The following NAV2 variants were observed in gnomAD, a reference collection of about 807,000 sequenced individuals.
NAV2 encodes neuron navigator 2, also known as helicase, APC down-regulated 1.
In NAV2, 54 loss-of-function variants were observed where a neutral mutation model predicts 223.2. That is an observed-to-expected ratio of 0.24 (90% CI 0.19 to 0.30). The LOEUF is 0.30. Among genes scored for constraint, NAV2 ranks in the 10% least tolerant of loss-of-function variants. NAV2 has a pLI of 1.00. For synonymous variants in NAV2, 1,279 were observed against 1,239.3 expected (o/e 1.03, Z -0.67); for missense variants, 2,806 against 3,147.5 (o/e 0.89, Z 2.60).
At chr11:19,643,560 A>T (rs1273770482) in intron 1 of NAV2, among the ~76,000 whole-genome samples, 4 of 152,058 alleles carry the variant, frequency 2.6e-5, no homozygotes, top group African/African-American at 9.7e-5. Flanking sequence ...AATCCAGTCT[A>T]TCATTGTTGG....
intron 1 of NAV2, among the ~76,000 whole-genome samples, chr11:19,406,184 A>G (rs954449925): frequency 6.6e-6 from 1 of 152,116 alleles, no homozygotes; most frequent in African/African-American, 2.4e-5. Flanking sequence ...AACTTGTGCC[A>G]CCTGGTAGCC....
intron 1 of NAV2, among the ~76,000 whole-genome samples, chr11:19,373,759 T>C (rs1266100592): frequency 2.0e-5 from 3 of 152,228 alleles, no homozygotes; most frequent in East Asian, 3.8e-4. Context: ...ATCTTCATGA[T>C]TGTCGCTATA....
chr11:19,367,662 G>A (rs1482994474), intron 1 of NAV2, among the ~76,000 whole-genome samples: 2 of 152,162 alleles, frequency 1.3e-5, no homozygotes, highest in Non-Finnish European at 2.9e-5. Flanking sequence ...GGCCCAGAGT[G>A]CAGCTATTCC....
At chr11:19,768,151 ACGCACGT>A in intron 1 of NAV2, among the ~76,000 whole-genome samples, 1 of 152,236 alleles carries the variant, frequency 6.6e-6, no homozygotes, top group Non-Finnish European at 1.5e-5. Flanking sequence ...GGCGTCCTGC[ACGCACGT>A]TGAGTGGCTC....
chr11:19,984,341 G>A, intron 11 of NAV2, 94 bp downstream of exon 11: 2 of 1,576,782 alleles, frequency 1.3e-6, no homozygotes, highest in Non-Finnish European at 1.7e-6. Flanking sequence ...AGTGAATGGA[G>A]ACTTGAACCC....
intron 1 of NAV2, among the ~76,000 whole-genome samples, chr11:19,791,492 AAAG>A (rs1248730937): frequency 6.6e-6 from 1 of 152,186 alleles, no homozygotes; most frequent in Non-Finnish European, 1.5e-5. Context: ...AGAGCTGTTC[AAAG>A]GAGCATCTTA....
At chr11:19,431,121 C>T (rs1851022152) in intron 1 of NAV2, among the ~76,000 whole-genome samples, 1 of 152,206 alleles carries the variant, frequency 6.6e-6, no homozygotes, top group Non-Finnish European at 1.5e-5. Context: ...GGAAGCTGCC[C>T]ACAGCTAGTT....
intron 1 of NAV2, among the ~76,000 whole-genome samples, chr11:19,436,980 T>G (rs560364205): frequency 1.3e-5 from 2 of 152,190 alleles, no homozygotes; most frequent in Non-Finnish European, 2.9e-5. Flanking sequence ...ACATTTTTGG[T>G]GGAGTCTAAA....
intron 1 of NAV2, among the ~76,000 whole-genome samples, chr11:19,625,491 A>G (rs1352403559): frequency 1.3e-5 from 2 of 152,144 alleles, no homozygotes; most frequent in Non-Finnish European, 2.9e-5. Context: ...CTTAGCTATC[A>G]TGGACTGTGC....
intron 6 of NAV2, chr11:19,931,910 A>T (rs1301184219): frequency 6.6e-6 from 1 of 152,318 alleles, no homozygotes; most frequent in Non-Finnish European, 1.5e-5. Context: ...CACGGGGCCC[A>T]GTGGAGACGT....
chr11:19,889,325 T>C (rs1331314709), intron 5 of NAV2, among the ~76,000 whole-genome samples: 1 of 152,198 alleles, frequency 6.6e-6, no homozygotes, highest in Non-Finnish European at 1.5e-5. Flanking sequence ...AGCAACGATC[T>C]GAGCCCATTT....
chr11:19,903,132 T>C (rs1488244629), intron 6 of NAV2, among the ~76,000 whole-genome samples: 1 of 152,218 alleles, frequency 6.6e-6, no homozygotes, highest in Non-Finnish European at 1.5e-5. Flanking sequence ...TCCATCAACG[T>C]GTGCATTTCA....
chr11:19,808,641 A>T (rs1342966437), intron 1 of NAV2, among the ~76,000 whole-genome samples: 1 of 152,194 alleles, frequency 6.6e-6, no homozygotes, highest in Non-Finnish European at 1.5e-5. Context: ...ACCTTAAAAA[A>T]CAATTGTCTT....
chr11:19,731,615 G>A (rs750296049), intron 1 of NAV2, among the ~76,000 whole-genome samples: 7 of 152,174 alleles, frequency 4.6e-5, no homozygotes, highest in Admixed American at 2.6e-4. Flanking sequence ...CATCTCACTC[G>A]CACCTGTAGG....
intron 1 of NAV2, among the ~76,000 whole-genome samples, chr11:19,682,080 G>T (rs1286421553): frequency 1.3e-5 from 2 of 152,040 alleles, no homozygotes; most frequent in Non-Finnish European, 1.5e-5. Flanking sequence ...AGAGCATCAG[G>T]CACAGCACCT....
chr11:19,799,766 G>A (rs184500873), intron 1 of NAV2, among the ~76,000 whole-genome samples: 1 of 152,254 alleles, frequency 6.6e-6, no homozygotes, highest in African/African-American at 2.4e-5. Context: ...GTGTGCGGGT[G>A]CTTTTCGGAA....
chr11:19,811,921 G>A (rs978327904), intron 1 of NAV2, among the ~76,000 whole-genome samples: 2 of 152,134 alleles, frequency 1.3e-5, no homozygotes, highest in East Asian at 1.9e-4. Context: ...AAACAGATAC[G>A]CGTTGTCTTT....
chr11:20,027,361 A>C, intron 11 of NAV2: 1 of 985,436 alleles, frequency 1.0e-6, no homozygotes, highest in East Asian at 1.1e-4. Context: ...GAGTTCCACC[A>C]GTCTGGACTT....
intron 1 of NAV2, among the ~76,000 whole-genome samples, chr11:19,386,812 T>G (rs962421194): frequency 1.1e-4 from 17 of 152,202 alleles, no homozygotes; most frequent in Admixed American, 2.6e-4. Context: ...AGCACGGACA[T>G]GATATTCAGA....
Sources: allele counts gnomAD v4.1 joint callset (sites outside exome capture counted in the v4.1 genomes callset), GRCh38; gene constraint gnomAD v4.1.1; transcripts MANE v1.5; gene names NCBI Gene and HGNC (gene_info 2026-07-23, HGNC 2026-07-21).